SUSD6: variants seen among roughly 807,000 people sequenced by gnomAD.
SUSD6 encodes sushi domain containing 6, also known as sushi domain-containing protein 6.
Under a neutral mutation model 28.4 loss-of-function variants are expected in SUSD6, and 16 were observed. That is an observed-to-expected ratio of 0.56 (90% CI 0.38 to 0.86). SUSD6 has a LOEUF of 0.86. SUSD6 is among the 40% of genes least tolerant of loss of function. The pLI is 0.00. For missense variants in SUSD6, 341 were observed against 384.2 expected (o/e 0.89, Z 0.94); for synonymous variants, 147 against 159.6 (o/e 0.92, Z 0.59).
At position 69,703,612 on chromosome 14, in the gene SUSD6, A is replaced by G. The variant is rs1330496318; in HGVS notation, c.319+20A>G. ...ACGAGGGTCAGTCTGGCAGATGAAAAAGGGATGCTGCTGGGGTTCTGCTTT... is the reference window on the plus strand; with the variant it reads ...ACGAGGGTCAGTCTGGCAGATGAAAGAGGGATGCTGCTGGGGTTCTGCTTT... On this transcript the variant is annotated intron_variant, in intron 3 of 5. Coordinates refer to ENST00000342745, the MANE Select transcript of SUSD6 (RefSeq NM_014734.4). 6.2e-7 allele frequency: 1 copy of G among 1,609,498 alleles called. No individual in the cohort carries two copies. Among genetic ancestry groups the G allele is most frequent in the Non-Finnish European group, 8.5e-7 (1 of 1,176,220 alleles).
intron 2 of SUSD6, among the ~76,000 whole-genome samples, chr14:69,683,716 G>A (rs892268543): frequency 2.6e-5 from 4 of 152,190 alleles, no homozygotes; most frequent in Non-Finnish European, 5.9e-5. Context: ...ATTTAGACTT[G>A]TAGAAAGTGG....
chr14:69,618,563 A>G (rs1289808917), intron 1 of SUSD6, among the ~76,000 whole-genome samples: 1 of 152,248 alleles, frequency 6.6e-6, no homozygotes, highest in East Asian at 1.9e-4. Flanking sequence ...AACAGGAGGG[A>G]TAGGGCATAT....
At chr14:69,642,597 T>A (rs1187232559) in intron 1 of SUSD6, among the ~76,000 whole-genome samples, 2 of 151,998 alleles carry the variant, frequency 1.3e-5, no homozygotes, top group Non-Finnish European at 2.9e-5. Flanking sequence ...TTATTCACTA[T>A]CATGAGAATA....
rs371986464 is a variant in SUSD6, at chr14:69,703,581, G to A, written c.308G>A (p.Arg103His). 22 of 1,613,994 alleles carry A rather than the reference G, an allele frequency of 1.4e-5. No individual in the cohort carries two copies. The highest frequency in any genetic ancestry group is 1.6e-5 in the Non-Finnish European group (19 of 1,179,978). Residue 103 changes from arginine (R) to histidine (H), a missense_variant, in exon 3 of 6, where the codon CGT (arginine) becomes CAT (histidine). Arg to His is a conservative substitution (Grantham distance 29). Coordinates refer to ENST00000342745, the MANE Select transcript of SUSD6 (RefSeq NM_014734.4). The stretch of plus-strand genomic sequence containing the variant: ...AAACCAGCCATGGAGATTAGCTGCC[G>A]TCTCAACGAGGGTCAGTCTGGCAGA... The part of the protein sequence containing the change: ...EWKPAMEISC[R>H]LNEDKDTHTS...
intron 1 of SUSD6, among the ~76,000 whole-genome samples, chr14:69,655,900 T>G (rs1885575247): frequency 6.6e-6 from 1 of 152,056 alleles, no homozygotes; most frequent in African/African-American, 2.4e-5. Flanking sequence ...ACCAAAATCC[T>G]CTAAAATCCC....
chr14:69,629,976 T>C (rs1387433823), intron 1 of SUSD6, among the ~76,000 whole-genome samples: 1 of 152,068 alleles, frequency 6.6e-6, no homozygotes, highest in Non-Finnish European at 1.5e-5. Flanking sequence ...TGTTGAGAGG[T>C]TTGAATGTAG....
rs3048700 is a variant in SUSD6 at position 69,653,747 on chromosome 14, C to CTTTTTTT, written c.-80-4752_-80-4746dup. Among the ~76,000 whole-genome samples the CTTTTTTT allele has an allele frequency of 7.2e-3, 670 of 93,120 alleles. 18 individuals carry two copies. Among genetic ancestry groups the CTTTTTTT allele is most frequent in the African/African-American group, 0.012 (301 of 24,408 alleles). The allele number at this position is 93,120 out of a possible 152,430, so 61.1% of individuals were successfully genotyped here. A position where few individuals can be genotyped will look rare whatever the true frequency, so the allele number is the denominator to read the frequency against. ...TAGGGATAATGAATACCTAGTGAAA[C>CTTTTTTT]TTTTTTTTTTTTTTTTTTTTGCTTG... is the stretch of plus-strand genomic sequence containing the variant. On this transcript the variant is annotated intron_variant, in intron 1 of 5. Coordinates refer to ENST00000342745, the MANE Select transcript of SUSD6 (RefSeq NM_014734.4).
chr14:69,624,812 A>G (rs948190346), intron 1 of SUSD6, among the ~76,000 whole-genome samples: 1 of 152,146 alleles, frequency 6.6e-6, no homozygotes, highest in African/African-American at 2.4e-5. Flanking sequence ...CCATCTATAG[A>G]AGGGTGGCTA....
chr14:69,649,437 A>G (rs1227789967), intron 1 of SUSD6, among the ~76,000 whole-genome samples: 1 of 152,224 alleles, frequency 6.6e-6, no homozygotes, highest in Non-Finnish European at 1.5e-5. Context: ...TCTAGGAACC[A>G]ATTACAGTCG....
At chr14:69,674,364 C>T (rs1380321379) in intron 2 of SUSD6, among the ~76,000 whole-genome samples, 1 of 152,184 alleles carries the variant, frequency 6.6e-6, no homozygotes, top group Non-Finnish European at 1.5e-5. Flanking sequence ...TTTCTCGCTT[C>T]TTCTTAACTT....
At chr14:69,625,513 G>A (rs1595031555) in intron 1 of SUSD6, among the ~76,000 whole-genome samples, 1 of 152,178 alleles carries the variant, frequency 6.6e-6, no homozygotes, top group Non-Finnish European at 1.5e-5. Flanking sequence ...AGCAAACCAC[G>A]GAGGCTTCTC....
intron 1 of SUSD6, among the ~76,000 whole-genome samples, chr14:69,625,970 T>C (rs1174946908): frequency 6.6e-6 from 1 of 152,164 alleles, no homozygotes; most frequent in Non-Finnish European, 1.5e-5. Flanking sequence ...TATACCACTT[T>C]AGTGCTCCCC....
rs1885748374 is a variant in SUSD6, at chr14:69,666,777, GAAGGT to G, written c.121+8067_121+8071del. Among the ~76,000 whole-genome samples the G allele has an allele frequency of 3.9e-5, 6 of 152,130 alleles. No individual in the cohort carries two copies. The South Asian group carries it at 1.0e-3, about 26-fold the overall frequency. ...CCAAAATTCTGGGAAGTAGTGCAGGGAAGGTAAACAGATTGTCTTCAAGATTTCTT... is the reference window on the plus strand; with the variant it reads ...CCAAAATTCTGGGAAGTAGTGCAGGGAAACAGATTGTCTTCAAGATTTCTT... On this transcript the variant is annotated intron_variant, in intron 2 of 5. Transcript: ENST00000342745.
In SUSD6 at chr14:69,682,260, C is replaced by T. The variant is rs574810481; in HGVS notation, c.122-21135C>T. 4.6e-5 allele frequency among the ~76,000 whole-genome samples: 7 copies of T among 152,102 alleles called. No individual in the cohort carries two copies. The South Asian group carries it at 1.5e-3, about 32-fold the overall frequency. ...GCTGAGGCGGGAGGATCTTTTGAGC[C>T]CAGGAGTTTGAGGCATTGGTGAGCT... On this transcript the variant is annotated intron_variant, in intron 2 of 5. Transcript: ENST00000342745.
At chr14:69,684,845 T>C (rs1886049075) in intron 2 of SUSD6, among the ~76,000 whole-genome samples, 1 of 152,268 alleles carries the variant, frequency 6.6e-6, no homozygotes, top group Non-Finnish European at 1.5e-5. Flanking sequence ...GCCTTGAGTC[T>C]TCAACTTTCA....
At chr14:69,623,361 G>A (rs1343156150) in intron 1 of SUSD6, among the ~76,000 whole-genome samples, 2 of 152,154 alleles carry the variant, frequency 1.3e-5, no homozygotes, top group Non-Finnish European at 2.9e-5. Flanking sequence ...GCCATGGTAA[G>A]GTCATAGCAC....
intron 2 of SUSD6, among the ~76,000 whole-genome samples, chr14:69,695,206 C>T (rs1381983144): frequency 2.0e-5 from 3 of 152,026 alleles, no homozygotes; most frequent in Admixed American, 6.5e-5. Flanking sequence ...TTGGCGGGAT[C>T]GGGAAGCCAG....
chr14:69,629,950 G>T (rs1885170112), intron 1 of SUSD6, among the ~76,000 whole-genome samples: 1 of 152,180 alleles, frequency 6.6e-6, no homozygotes, highest in African/African-American at 2.4e-5. Context: ...ACATTGTCTT[G>T]TCTCATTTGC....
chr14:69,664,579 G>T (rs1275313682), intron 2 of SUSD6, among the ~76,000 whole-genome samples: 1 of 152,162 alleles, frequency 6.6e-6, no homozygotes, highest in African/African-American at 2.4e-5. Context: ...GAACCCTAGT[G>T]TCATGAAAAG....
Sources: gnomAD v4.1 joint callset for allele counts (sites outside exome capture counted in the v4.1 genomes callset) on GRCh38, gnomAD v4.1.1 for gene constraint, MANE v1.5 for transcripts, NCBI Gene and HGNC (gene_info 2026-07-23, HGNC 2026-07-21) for gene names.